ENOX1: variants seen among roughly 807,000 people sequenced by gnomAD.
The protein encoded by ENOX1 is candidate growth-related and time keeping constitutive hydroquinone (NADH) oxidase.
Under a neutral mutation model 82.5 loss-of-function variants are expected in ENOX1, and 42 were observed. The observed-to-expected ratio is 0.51, with a 90% confidence interval of 0.40 to 0.66. ENOX1 has a LOEUF of 0.66. ENOX1 is among the 30% of genes least tolerant of loss of function. The pLI is 0.00. For synonymous variants in ENOX1, 271 were observed against 282.2 expected, an observed-to-expected ratio of 0.96 and a Z score of 0.40; for missense variants, 608 against 811.6, an observed-to-expected ratio of 0.75 and a Z score of 3.05.
At chr13:43,741,743 C>T (rs938128089) in intron 1 of ENOX1, among the ~76,000 whole-genome samples, 5 of 152,122 alleles carry the variant, frequency 3.3e-5, no homozygotes, top group East Asian at 1.9e-4. Flanking sequence ...AAAATGTTGA[C>T]GAAGTCCAAT....
chr13:43,274,071 AT>A (rs754502651), intron 12 of ENOX1, among the ~76,000 whole-genome samples: 1 of 152,242 alleles, frequency 6.6e-6, no homozygotes, highest in Non-Finnish European at 1.5e-5. Context: ...CTGAGGAATG[AT>A]AAACTACTAA....
chr13:43,623,972 T>C (rs755598808), intron 2 of ENOX1, among the ~76,000 whole-genome samples: 2 of 152,230 alleles, frequency 1.3e-5, no homozygotes, highest in Non-Finnish European at 2.9e-5. Context: ...GTCTGTATGA[T>C]AGTTGCGTGT....
chr13:43,604,235 GT>G (rs1367359395), intron 2 of ENOX1, among the ~76,000 whole-genome samples: 2 of 145,178 alleles, frequency 1.4e-5, no homozygotes, highest in South Asian at 4.3e-4. Flanking sequence ...TGATGGGGTT[GT>G]TTTTTTCTTG....
chr13:43,247,866 TATATATATATATATA>T (rs2043203138), intron 14 of ENOX1, among the ~76,000 whole-genome samples: 1 of 2,344 alleles, frequency 4.3e-4, no homozygotes, highest in Non-Finnish European at 8.4e-4. Context: ...TATATATATA[TATATATATATATATA>T]TATTTTTTTT....
chr13:43,696,552 G>A (rs2086649372), intron 1 of ENOX1, among the ~76,000 whole-genome samples: 1 of 152,188 alleles, frequency 6.6e-6, no homozygotes, highest in African/African-American at 2.4e-5. Context: ...CACAGTGGCT[G>A]AGCTTGGGAG....
chr13:43,773,381 A>G (rs1309065630), intron 1 of ENOX1, among the ~76,000 whole-genome samples: 1 of 152,210 alleles, frequency 6.6e-6, no homozygotes, highest in African/African-American at 2.4e-5. Context: ...AGCAAAAGCA[A>G]AAACACTTCA....
intron 14 of ENOX1, among the ~76,000 whole-genome samples, chr13:43,252,518 T>A (rs1191858677): frequency 6.6e-6 from 1 of 152,208 alleles, no homozygotes; most frequent in Non-Finnish European, 1.5e-5. Context: ...TTGCTGTCTT[T>A]CGATAAAAAC....
At chr13:43,603,948 C>G (rs1263585583) in intron 2 of ENOX1, among the ~76,000 whole-genome samples, 12 of 108,698 alleles carry the variant, frequency 1.1e-4, no homozygotes, top group African/African-American at 4.6e-4. Flanking sequence ...TTCTAGATCC[C>G]TGAGGAATTG....
At chr13:43,652,241 C>G (rs978339817) in intron 2 of ENOX1, among the ~76,000 whole-genome samples, 1 of 152,154 alleles carries the variant, frequency 6.6e-6, no homozygotes, top group Non-Finnish European at 1.5e-5. Flanking sequence ...ATCCAGCCAT[C>G]TCCAAGGACA....
At chr13:43,344,406 GAA>G in intron 9 of ENOX1, 130 bp downstream of exon 9, 1 of 733,884 alleles carries the variant, frequency 1.4e-6, no homozygotes, top group Admixed American at 2.8e-5. Context: ...AATAGGTTAT[GAA>G]GTTTGCCATT....
chr13:43,698,762 C>T (rs1263946571), intron 1 of ENOX1, among the ~76,000 whole-genome samples: 2 of 152,150 alleles, frequency 1.3e-5, no homozygotes, highest in African/African-American at 4.8e-5. Context: ...TCTCTGCACA[C>T]TTCACTAGAG....
chr13:43,653,311 A>G, intron 2 of ENOX1, among the ~76,000 whole-genome samples: 1 of 152,228 alleles, frequency 6.6e-6, no homozygotes. Context: ...AAAACATTCT[A>G]ACCTTTAGCA....
intron 9 of ENOX1, among the ~76,000 whole-genome samples, chr13:43,337,887 C>A (rs4942217): frequency 0.2 from 29,874 of 152,154 alleles, 3,808 homozygotes; most frequent in East Asian, 0.55. Context: ...TGTAAAATGA[C>A]AGGGTTTGGC....
At chr13:43,530,532 C>T (rs1314624650) in intron 2 of ENOX1, among the ~76,000 whole-genome samples, 2 of 152,030 alleles carry the variant, frequency 1.3e-5, no homozygotes, top group Non-Finnish European at 2.9e-5. Context: ...ATTATGCAAC[C>T]CCAGGATTTG....
chr13:43,414,670 T>C (rs2054337323), intron 3 of ENOX1, among the ~76,000 whole-genome samples: 2 of 152,248 alleles, frequency 1.3e-5, no homozygotes, highest in East Asian at 1.9e-4. Context: ...GTGTTCATTC[T>C]TTTGTTCAAA....
intron 3 of ENOX1, among the ~76,000 whole-genome samples, chr13:43,431,523 T>G (rs1424513128): frequency 6.6e-6 from 1 of 152,174 alleles, no homozygotes; most frequent in Non-Finnish European, 1.5e-5. Flanking sequence ...ACATAGTTAT[T>G]TCTTTGATAA....
chr13:43,402,801 T>C (rs997099820), intron 5 of ENOX1, among the ~76,000 whole-genome samples: 4 of 152,194 alleles, frequency 2.6e-5, no homozygotes, highest in African/African-American at 9.6e-5. Flanking sequence ...TATATCAGTA[T>C]AGAAACACTC....
At chr13:43,615,203 G>A (rs1326008086) in intron 2 of ENOX1, among the ~76,000 whole-genome samples, 1 of 152,138 alleles carries the variant, frequency 6.6e-6, no homozygotes, top group Non-Finnish European at 1.5e-5. Flanking sequence ...GGAATCTTCA[G>A]CAGTAAGGCT....
At chr13:43,309,114 C>T (rs963817200) in intron 11 of ENOX1, among the ~76,000 whole-genome samples, 20 of 151,026 alleles carry the variant, frequency 1.3e-4, no homozygotes, top group African/African-American at 2.4e-4. Flanking sequence ...CTCTGCCTCC[C>T]GGGCTTACAC....
Sources: gnomAD v4.1 joint callset for allele counts (sites outside exome capture counted in the v4.1 genomes callset) on GRCh38, gnomAD v4.1.1 for gene constraint, MANE v1.5 for transcripts, NCBI Gene and HGNC (gene_info 2026-07-23, HGNC 2026-07-21) for gene names.